The following SLAIN2 variants were observed in gnomAD, a reference collection of about 807,000 sequenced individuals.
The protein encoded by SLAIN2 is SLAIN motif-containing protein 2.
In SLAIN2, 31 loss-of-function variants were observed where a neutral mutation model predicts 56.6. The ratio of observed to expected loss-of-function variants is 0.55; its 90% CI spans 0.41 to 0.74. The LOEUF is 0.74. SLAIN2 is among the 30% of genes least tolerant of loss of function. The pLI is 0.00. For synonymous variants in SLAIN2, 317 were observed against 284.9 expected (o/e 1.11, Z -1.13); for missense variants, 777 against 754.2 (o/e 1.03, Z -0.35).
rs796313734 is a variant in SLAIN2 at position 48,363,955 on chromosome 4, G to C, written c.390-5894G>C. On this transcript the variant is annotated intron_variant, in intron 1 of 7. Coordinates refer to ENST00000264313, the MANE Select transcript of SLAIN2 (RefSeq NM_020846.2). ...CCCCCACCTCCCTCCCGGACGGGGC[G>C]GCTGGCCGGGCAGGGGGCTGACCCC... Among the ~76,000 whole-genome samples, 4 of 116,058 alleles carry C rather than the reference G, an allele frequency of 3.4e-5. 1 individual carries two copies. Among genetic ancestry groups the C allele is most frequent in the Admixed American group, 3.2e-4 (4 of 12,626 alleles). 76.1% of individuals were successfully genotyped at this position (116,058 alleles called of 152,430 possible).
chr4:48,400,517 A>G (rs1716521714), intron 6 of SLAIN2, among the ~76,000 whole-genome samples: 1 of 150,326 alleles, frequency 6.7e-6, no homozygotes, highest in African/African-American at 2.4e-5. Flanking sequence ...CTCATGCCTC[A>G]GCCACCCAAA....
intron 1 of SLAIN2, among the ~76,000 whole-genome samples, chr4:48,362,729 TTTCTTTTTTTTTTTTTTA>T (rs1332501910): frequency 6.1e-4 from 52 of 85,474 alleles, no homozygotes; most frequent in East Asian, 1.1e-3. Flanking sequence ...GGTTTTTAAA[TTTCTTTTTTTTTTTTTTA>T]TTCTTTTTTT....
chr4:48,397,307 C>A (rs1716425834), intron 6 of SLAIN2, among the ~76,000 whole-genome samples: 1 of 151,682 alleles, frequency 6.6e-6, no homozygotes, highest in Non-Finnish European at 1.5e-5. Context: ...ATTCATGCGG[C>A]CAACAAACAT....
In SLAIN2 at chr4:48,379,965, A is replaced by G. The variant is rs1715927865; in HGVS notation, c.862+117A>G. The G allele has an allele frequency of 8.4e-6, 8 of 948,360 alleles. No homozygotes were observed. The South Asian group carries it at 2.0e-4, about 24-fold the overall frequency. 58.7% of individuals were successfully genotyped at this position (948,360 alleles called of 1,614,324 possible). On this transcript the variant is annotated intron_variant, in intron 4 of 7. Transcript: ENST00000264313. ...AATGTAGTGAAAGTAGAAATGTTGC[A>G]GTGGACATTTCAGAGACTTAGTCAA...
intron 1 of SLAIN2, among the ~76,000 whole-genome samples, chr4:48,348,183 A>C (rs534644378): frequency 3.9e-5 from 6 of 152,346 alleles, no homozygotes; most frequent in Admixed American, 2.6e-4. Context: ...AATTAGAGGC[A>C]GGCAAATTTT....
rs1714701246 is a variant in SLAIN2, at chr4:48,341,638, C to A, written c.-102C>A. 2.8e-6 allele frequency: 4 copies of A among 1,445,038 alleles called. No individual in the cohort carries two copies. Among genetic ancestry groups the A allele is most frequent in the Non-Finnish European group, 3.6e-6 (4 of 1,099,424 alleles). 89.5% of individuals were successfully genotyped at this position (1,445,038 alleles called of 1,614,324 possible). On this transcript the variant is annotated 5_prime_UTR_variant, in exon 1 of 8. Coordinates refer to ENST00000264313, the MANE Select transcript of SLAIN2 (RefSeq NM_020846.2). ...GCCTGGTCCTGCTATATGCCGGCGC[C>A]TCGGCTAGAGTGAGCGGCGGCGACG...
In SLAIN2 at chr4:48,424,671, T is replaced by C. The variant is rs1456856527; in HGVS notation, c.*2594T>C. ...ACACTCTCTGAAGAGTTGACTTTTT[T>C]TCAGTTTCGTATCCTGGAAATCACA... On this transcript the variant is annotated 3_prime_UTR_variant, in exon 8 of 8. Transcript: ENST00000264313. 1 of 152,126 alleles carries C rather than the reference T, an allele frequency of 6.6e-6. No homozygotes were observed. The highest frequency in any genetic ancestry group is 1.5e-5 in the Non-Finnish European group (1 of 67,988). 9.4% of individuals were successfully genotyped at this position (152,126 alleles called of 1,614,324 possible).
intron 1 of SLAIN2, among the ~76,000 whole-genome samples, chr4:48,344,861 A>G (rs1474400160): frequency 1.3e-5 from 2 of 152,190 alleles, no homozygotes; most frequent in African/African-American, 2.4e-5. Flanking sequence ...ATTAAAAAAA[A>G]ATGCTGGTTA....
At chr4:48,364,039 T>G (rs1393385083) in intron 1 of SLAIN2, among the ~76,000 whole-genome samples, 1 of 85,112 alleles carries the variant, frequency 1.2e-5, no homozygotes, top group East Asian at 3.6e-4. Context: ...ACTTCCCAGA[T>G]GGGGTGGCTG....
At chr4:48,383,513 C>A (rs759643429) in intron 5 of SLAIN2, 134 bp from the exon 6 acceptor site, 188 of 774,734 alleles carry the variant, frequency 2.4e-4, no homozygotes, top group East Asian at 6.8e-4. Flanking sequence ...TTTAATAAGA[C>A]AAGTCCTTTG....
rs1287724673 is a variant in SLAIN2 at position 48,341,605 on chromosome 4, G to GC, written c.-134dup. On this transcript the variant is annotated 5_prime_UTR_variant, in exon 1 of 8. An upstream open reading frame in the 5' UTR loses its in-frame stop. Coordinates refer to ENST00000264313, the MANE Select transcript of SLAIN2 (RefSeq NM_020846.2). ...TGGAACCCGAGGTGGGGGGACCCTG[G>GC]CGGTGGGGCCTGGTCCTGCTATATG... 3.1e-6 allele frequency: 4 copies of GC among 1,303,882 alleles called. No homozygotes were observed. The African/African-American group carries it at 6.3e-5, about 20-fold the overall frequency. The allele number at this position is 1,303,882 out of a possible 1,614,324, so 80.8% of individuals were successfully genotyped here.
Position 48,382,705 on chromosome 4 carries a change from G to T in SLAIN2, c.1000G>T (p.Ala334Ser), listed in dbSNP as rs764057082. The T allele has an allele frequency of 9.3e-6, 15 of 1,613,604 alleles. No individual in the cohort carries two copies. The Admixed American group carries it at 2.5e-4, about 27-fold the overall frequency. Residue 334 changes from alanine (A) to serine (S), a missense_variant, in exon 5 of 8, where the codon GCA (alanine) becomes TCA (serine). Physicochemically the swap from Ala to Ser is moderately conservative, Grantham distance 99 (BLOSUM62 1). Transcript: ENST00000264313. ...TGATGAAGATGACAATATGCATCAT[G>T]CAGTATACCCTGCTGTTAACAGGTT... ...LDDEDDNMHH[A>S]VYPAVNRFSP...
At position 48,383,661 on chromosome 4, in the gene SLAIN2, A is replaced by G. The variant is rs913184019; in HGVS notation, c.1237A>G (p.Ser413Gly). The G allele has an allele frequency of 6.3e-7, 1 of 1,575,644 alleles. No individual in the cohort carries two copies. The highest frequency in any genetic ancestry group is 8.6e-7 in the Non-Finnish European group (1 of 1,158,942). ...TTCTGTTGCAGAAAAACTAAGACGC[A>G]GTCTTCCAAACCTGTCCCGAACATC... Reference protein sequence around the residue: ...NVKNEEKLRRSLPNLSRTSNT... With the variant: ...NVKNEEKLRRGLPNLSRTSNT... The change falls in exon 6 of 8, where the codon AGT becomes GGT. Residue 413 changes from serine to glycine, a missense_variant. Ser to Gly is a moderately conservative substitution (Grantham distance 56, BLOSUM62 0). Transcript: ENST00000264313.
chr4:48,378,988 TA>T (rs1434012433), intron 3 of SLAIN2, among the ~76,000 whole-genome samples: 1 of 152,192 alleles, frequency 6.6e-6, no homozygotes, highest in Non-Finnish European at 1.5e-5. Flanking sequence ...GTGTTTCAGA[TA>T]AATCTGTAAT....
At chr4:48,354,136 TAA>T (rs371083135) in intron 1 of SLAIN2, among the ~76,000 whole-genome samples, 2,321 of 148,726 alleles carry the variant, frequency 0.016, 41 homozygotes, top group African/African-American at 0.053. Flanking sequence ...ACTTTCAAAT[TAA>T]AAAAAAAAGT....
At position 48,382,761 on chromosome 4, in the gene SLAIN2, G is replaced by A. The variant is rs748699155; in HGVS notation, c.1056G>A (p.Pro352=). ...FSPSPRNSPR[P]SPKQSPRNSP... ...CATCACCACGCAATTCACCTCGACC[G>A]TCACCTAAGCAGTCACCCAGAAATT... Residue 352 remains proline, a synonymous_variant, in exon 5 of 8, where the codon CCG becomes CCA. Coordinates refer to ENST00000264313, the MANE Select transcript of SLAIN2 (RefSeq NM_020846.2). The A allele has an allele frequency of 4.3e-6, 7 of 1,613,598 alleles. No individual in the cohort carries two copies. The highest frequency in any genetic ancestry group is 3.3e-5 in the South Asian group (3 of 91,070).
chr4:48,408,478 T>G (rs149200677), intron 6 of SLAIN2, among the ~76,000 whole-genome samples: 1 of 142,562 alleles, frequency 7.0e-6, no homozygotes, highest in African/African-American at 2.6e-5. Context: ...ATATTGATGA[T>G]CCTAACCCTG....
intron 6 of SLAIN2, among the ~76,000 whole-genome samples, chr4:48,401,225 G>A (rs1437758473): frequency 2.0e-5 from 3 of 152,228 alleles, no homozygotes; most frequent in African/African-American, 7.2e-5. Flanking sequence ...TAAGTGTTGT[G>A]TGGTGATCAG....
intron 6 of SLAIN2, chr4:48,394,488 G>C (rs1287855638): frequency 2.2e-5 from 22 of 993,648 alleles, no homozygotes; most frequent in Non-Finnish European, 3.1e-5. Flanking sequence ...ACATTTTTAA[G>C]TTTGTATTAA....
Sources: allele counts gnomAD v4.1 joint callset (sites outside exome capture counted in the v4.1 genomes callset), GRCh38; gene constraint gnomAD v4.1.1; transcripts MANE v1.5; gene names NCBI Gene and HGNC (gene_info 2026-07-23, HGNC 2026-07-21).